Variants in ANKS1B observed in about 807,000 individuals in gnomAD.
ANKS1B encodes the protein ankyrin repeat and sterile alpha motif domain containing 1B.
ANKS1B carries 36 observed loss-of-function variants against 148.3 expected under a neutral mutation model. That is an observed-to-expected ratio of 0.24 (90% CI 0.19 to 0.32). The LOEUF is 0.32. ANKS1B is among the 10% of genes least tolerant of loss of function. The probability of loss-of-function intolerance (pLI) is 1.00; values close to 1 mark genes in which losing one functional copy is unlikely to be tolerated. For synonymous variants in ANKS1B, 542 were observed against 560.8 expected (o/e 0.97, Z 0.47); for missense variants, 1,157 against 1,542.6 (o/e 0.75, Z 4.19).
chr12:98,882,961 T>C (rs1185535762), intron 17 of ANKS1B, among the ~76,000 whole-genome samples: 2 of 152,138 alleles, frequency 1.3e-5, no homozygotes, highest in Non-Finnish European at 2.9e-5. Context: ...AACAACAACG[T>C]TCTTTAGAGT....
intron 22 of ANKS1B, among the ~76,000 whole-genome samples, chr12:98,782,884 T>G (rs1172391142): frequency 6.6e-6 from 1 of 152,226 alleles, no homozygotes; most frequent in Non-Finnish European, 1.5e-5. Context: ...TTTTAATGCT[T>G]CTTCCAACCA....
chr12:99,673,372 G>A (rs886812293), intron 8 of ANKS1B, among the ~76,000 whole-genome samples: 3 of 152,014 alleles, frequency 2.0e-5, no homozygotes, highest in Non-Finnish European at 2.9e-5. Context: ...AACTGACTCT[G>A]TTAAGTAAAT....
chr12:99,417,912 A>G (rs2094959234), intron 11 of ANKS1B, among the ~76,000 whole-genome samples: 2 of 152,192 alleles, frequency 1.3e-5, no homozygotes, highest in Admixed American at 1.3e-4. Flanking sequence ...CAGGCTAGGA[A>G]AGGGGTAGGA....
chr12:99,101,715 C>T (rs1164199693), intron 15 of ANKS1B, among the ~76,000 whole-genome samples: 1 of 152,146 alleles, frequency 6.6e-6, no homozygotes, highest in Non-Finnish European at 1.5e-5. Context: ...ATGTGAGCCA[C>T]CATGCCCAGC....
chr12:98,787,645 C>T (rs1217363660), intron 22 of ANKS1B, among the ~76,000 whole-genome samples: 3 of 152,166 alleles, frequency 2.0e-5, no homozygotes, highest in East Asian at 1.9e-4. Context: ...ACAGGCTGGG[C>T]GTGGTGGTTC....
At position 99,937,277 on chromosome 12, in the gene ANKS1B, A is replaced by C. The variant is rs146558311; in HGVS notation, c.134+46827T>G. Among the ~76,000 whole-genome samples the C allele has an allele frequency of 2.8e-3, 425 of 152,314 alleles. 4 individuals are homozygous for C. The South Asian group carries it at 0.028, about 10-fold the overall frequency. On this transcript the variant is annotated intron_variant, in intron 1 of 26. Coordinates refer to ENST00000683438, the MANE Select transcript of ANKS1B (RefSeq NM_001352186.2). ...CTGCAGGGGCCATTCTGCCAGGCCA[A>C]AGTTGGAAAGTAACCTCCATCTTAA...
intron 12 of ANKS1B, among the ~76,000 whole-genome samples, chr12:99,387,217 CAT>C (rs1320203222): frequency 1.3e-5 from 2 of 152,160 alleles, no homozygotes; most frequent in Non-Finnish European, 2.9e-5. Context: ...TCCCAAAATT[CAT>C]ATGTTTAAAT....
chr12:99,260,709 T>C (rs996473219), intron 12 of ANKS1B, among the ~76,000 whole-genome samples: 1 of 152,190 alleles, frequency 6.6e-6, no homozygotes, highest in African/African-American at 2.4e-5. Context: ...TCCATCTGAT[T>C]CAGAGAGAAG....
At chr12:98,894,550 C>G in intron 17 of ANKS1B, 25 of 983,030 alleles carry the variant, frequency 2.5e-5, no homozygotes, top group Non-Finnish European at 3.0e-5. Context: ...GCCTCTGCCC[C>G]GGCTGCGGCA....
intron 11 of ANKS1B, among the ~76,000 whole-genome samples, chr12:99,409,308 T>G (rs2094611396): frequency 6.6e-6 from 1 of 152,110 alleles, no homozygotes; most frequent in Non-Finnish European, 1.5e-5. Context: ...TTAAAACAAT[T>G]GAACTCACAG....
Position 99,112,204 on chromosome 12 carries a change from T to C in ANKS1B, c.2527-27181A>G, listed in dbSNP as rs181020652. Among the ~76,000 whole-genome samples, 527 of 152,238 alleles carry C rather than the reference T, an allele frequency of 3.5e-3. 1 individual carries two copies. The highest frequency in any genetic ancestry group is 0.01 in the Middle Eastern group (3 of 294). Reference sequence around the variant, plus strand: ...AAACTTCAACTTGAGGCTTCTGGCATCAGAATCACACTTTCCTCATGCCTG... The same window carrying C: ...AAACTTCAACTTGAGGCTTCTGGCACCAGAATCACACTTTCCTCATGCCTG... On this transcript the variant is annotated intron_variant, in intron 15 of 26. Transcript: ENST00000683438.
chr12:99,839,684 G>A (rs535311498), intron 1 of ANKS1B, among the ~76,000 whole-genome samples: 29 of 151,974 alleles, frequency 1.9e-4, no homozygotes, highest in South Asian at 1.9e-3. Context: ...TCATAGCAAC[G>A]CTATCAAATG....
At chr12:99,244,899 G>T (rs572229085) in intron 13 of ANKS1B, among the ~76,000 whole-genome samples, 1 of 152,296 alleles carries the variant, frequency 6.6e-6, no homozygotes, top group South Asian at 2.1e-4. Context: ...GTGTTGCCCA[G>T]GCTACAGTGC....
intron 1 of ANKS1B, among the ~76,000 whole-genome samples, chr12:99,842,923 G>A (rs1178426760): frequency 2.0e-5 from 3 of 152,020 alleles, no homozygotes; most frequent in South Asian, 2.1e-4. Flanking sequence ...TATTTAGTTC[G>A]TCTACTTCAT....
intron 1 of ANKS1B, among the ~76,000 whole-genome samples, chr12:99,946,946 T>C (rs556176164): frequency 6.6e-6 from 1 of 152,288 alleles, no homozygotes; most frequent in East Asian, 1.9e-4. Context: ...ATTATGTTTT[T>C]AAGACAGCAA....
intron 1 of ANKS1B, among the ~76,000 whole-genome samples, chr12:99,852,239 A>G (rs899573462): frequency 3.3e-5 from 5 of 152,178 alleles, no homozygotes; most frequent in African/African-American, 1.2e-4. Context: ...CTTCCAAGTG[A>G]CCAAAATAAT....
intron 19 of ANKS1B, among the ~76,000 whole-genome samples, chr12:98,822,200 C>T (rs1050463137): frequency 6.6e-6 from 1 of 152,116 alleles, no homozygotes; most frequent in African/African-American, 2.4e-5. Flanking sequence ...TACTTTAGGC[C>T]TATACGCACA....
chr12:98,954,874 T>C (rs2099859785), intron 17 of ANKS1B, among the ~76,000 whole-genome samples: 1 of 152,172 alleles, frequency 6.6e-6, no homozygotes, highest in Admixed American at 6.5e-5. Flanking sequence ...TAATTTTGTA[T>C]ATACTCGATA....
At chr12:98,839,285 C>A (rs753033573) in intron 17 of ANKS1B, among the ~76,000 whole-genome samples, 1 of 152,120 alleles carries the variant, frequency 6.6e-6, no homozygotes, top group Non-Finnish European at 1.5e-5. Context: ...GAAAAAATAT[C>A]GAGTCCTCCA....
Sources: allele counts gnomAD v4.1 joint callset (sites outside exome capture counted in the v4.1 genomes callset), GRCh38; gene constraint gnomAD v4.1.1; transcripts MANE v1.5; gene names NCBI Gene and HGNC (gene_info 2026-07-23, HGNC 2026-07-21).